Variants in IPO11 observed in about 807,000 individuals in gnomAD.
The protein encoded by IPO11 is importin-11.
In IPO11, 66 loss-of-function variants were observed where a neutral mutation model predicts 143.2. The ratio of observed to expected loss-of-function variants is 0.46; its 90% CI spans 0.38 to 0.57. The LOEUF (loss-of-function observed/expected upper bound fraction) is 0.57, where lower values mean the gene tolerates loss of function less well. Among genes scored for constraint, IPO11 ranks in the 20% least tolerant of loss-of-function variants. IPO11 has a pLI of 0.00. For synonymous variants in IPO11, 385 were observed against 377.8 expected, an observed-to-expected ratio of 1.02 and a Z score of -0.22; for missense variants, 1,026 against 1,141.0, an observed-to-expected ratio of 0.90 and a Z score of 1.45.
At chr5:62,488,212 ATAAT>A (rs1332297485) in intron 13 of IPO11, among the ~76,000 whole-genome samples, 1 of 152,244 alleles carries the variant, frequency 6.6e-6, no homozygotes, top group African/African-American at 2.4e-5. Flanking sequence ...GGGAATGGAA[ATAAT>A]TGATTATGGA....
chr5:62,469,430 A>G (rs536963734), intron 6 of IPO11, among the ~76,000 whole-genome samples: 1 of 152,320 alleles, frequency 6.6e-6, no homozygotes, highest in Non-Finnish European at 1.5e-5. Flanking sequence ...CCTAAATTTA[A>G]TCCATTGCCT....
chr5:62,435,190 G>GTA lies in IPO11; in HGVS notation c.-6-2076_-6-2075dup, dbSNP rs1214327068. ...TATATATGTATATATGTATATATAT[G>GTA]TATATATATGTATATATATGTGTAT... On this transcript the variant is annotated intron_variant, in intron 1 of 29. Coordinates refer to ENST00000325324, the MANE Select transcript of IPO11 (RefSeq NM_016338.5). Among the ~76,000 whole-genome samples, 212 of 101,752 alleles carry GTA rather than the reference G, an allele frequency of 2.1e-3. 23 individuals are homozygous for GTA. The highest frequency in any genetic ancestry group is 6.8e-3 in the African/African-American group (186 of 27,200). The allele number at this position is 101,752 out of a possible 152,430, so 66.8% of individuals were successfully genotyped here.
chr5:62,433,296 C>T lies in IPO11; in HGVS notation c.-6-3978C>T, dbSNP rs891964147. On this transcript the variant is annotated intron_variant, in intron 1 of 29. Transcript: ENST00000325324. ...AGAACATTGTTATGTATGGCTGAAA[C>T]TGAAGTCACTGCAGGTCTGATAAAT... 2.6e-5 allele frequency among the ~76,000 whole-genome samples: 4 copies of T among 152,166 alleles called. No homozygotes were observed. In the East Asian group the frequency reaches 5.8e-4, roughly 22 times the overall value.
chr5:62,620,336 G>A (rs1449920002), intron 29 of IPO11, among the ~76,000 whole-genome samples: 8 of 152,038 alleles, frequency 5.3e-5, no homozygotes, highest in African/African-American at 1.7e-4. Flanking sequence ...TGGCTAACAC[G>A]GTGAAACCCC....
intron 1 of IPO11, among the ~76,000 whole-genome samples, chr5:62,414,871 G>A (rs1484428836): frequency 1.3e-5 from 2 of 152,088 alleles, no homozygotes; most frequent in African/African-American, 4.8e-5. Context: ...TTTAATCTGA[G>A]GTGATCTTAT....
At chr5:62,517,709 A>G (rs562066129) in intron 20 of IPO11, among the ~76,000 whole-genome samples, 38 of 152,194 alleles carry the variant, frequency 2.5e-4, no homozygotes, top group African/African-American at 8.4e-4. Flanking sequence ...GGCCTCCAAG[A>G]TGTACTTTTA....
At chr5:62,546,859 A>C (rs1277756006) in intron 24 of IPO11, among the ~76,000 whole-genome samples, 1 of 152,158 alleles carries the variant, frequency 6.6e-6, no homozygotes, top group Non-Finnish European at 1.5e-5. Context: ...TCTTCTGTTT[A>C]AAAAGTAGAA....
At chr5:62,476,524 C>T (rs1183897012) in intron 8 of IPO11, among the ~76,000 whole-genome samples, 159 bp from the exon 9 acceptor site, 1 of 152,106 alleles carries the variant, frequency 6.6e-6, no homozygotes, top group Non-Finnish European at 1.5e-5. Context: ...GCTACTGTGT[C>T]TGTTACTCAG....
At chr5:62,563,614 C>T (rs374172093) in intron 27 of IPO11, among the ~76,000 whole-genome samples, 1 of 151,958 alleles carries the variant, frequency 6.6e-6, no homozygotes, top group Admixed American at 6.6e-5. Flanking sequence ...ATATATATAA[C>T]AAGATATTTT....
chr5:62,503,761 GTATT>G (rs2112260889), intron 16 of IPO11, among the ~76,000 whole-genome samples: 1 of 152,286 alleles, frequency 6.6e-6, no homozygotes, highest in East Asian at 1.9e-4. Flanking sequence ...TGGCAGTAGA[GTATT>G]TAACATTTGG....
intron 29 of IPO11, among the ~76,000 whole-genome samples, chr5:62,616,617 G>A (rs1448752135): frequency 2.0e-5 from 3 of 150,906 alleles, no homozygotes; most frequent in Non-Finnish European, 2.9e-5. Context: ...CTACTTGGGA[G>A]GCTGAGGCAT....
Position 62,537,893 on chromosome 5 carries a change from A to G in IPO11, c.2250+604A>G, listed in dbSNP as rs578060411. Among the ~76,000 whole-genome samples the G allele has an allele frequency of 5.9e-5, 9 of 152,232 alleles. No individual in the cohort carries two copies. The South Asian group carries it at 1.9e-3, about 32-fold the overall frequency. ...GAAATATATTAAAATATCTTTATGT[A>G]TGGACTTTGAGAGAAGGTGTAGCTG... On this transcript the variant is annotated intron_variant, in intron 24 of 29. Coordinates refer to ENST00000325324, the MANE Select transcript of IPO11 (RefSeq NM_016338.5).
At chr5:62,544,081 G>A (rs1743062009) in intron 24 of IPO11, among the ~76,000 whole-genome samples, 1 of 152,100 alleles carries the variant, frequency 6.6e-6, no homozygotes, top group Non-Finnish European at 1.5e-5. Context: ...GAAAAAGAGG[G>A]AATCCTCCCT....
chr5:62,526,282 GGATCTTATTTTATTCGT>G (rs1742366414), intron 21 of IPO11, 25 bp downstream of exon 21: 1 of 1,474,054 alleles, frequency 6.8e-7, no homozygotes, highest in South Asian at 1.1e-5. Flanking sequence ...TTAATACCAT[GGATCTTATTTTATTCGT>G]GACCTTTCCT....
At chr5:62,449,780 A>G (rs1374295126) in intron 3 of IPO11, 147 bp from the exon 4 acceptor site, 3 of 502,282 alleles carry the variant, frequency 6.0e-6, no homozygotes, top group Admixed American at 4.0e-5. Context: ...CCAATATACA[A>G]GTAATGGAAA....
At chr5:62,463,487 GATCCT>G (rs1230586827) in intron 5 of IPO11, among the ~76,000 whole-genome samples, 3 of 151,858 alleles carry the variant, frequency 2.0e-5, no homozygotes, top group Non-Finnish European at 2.9e-5. Context: ...AACACAGTGA[GATCCT>G]ATCTCTACAA....
intron 1 of IPO11, among the ~76,000 whole-genome samples, chr5:62,435,016 C>T (rs1441378592): frequency 1.4e-5 from 2 of 144,990 alleles, no homozygotes; most frequent in Non-Finnish European, 3.0e-5. Context: ...CAGAGTGAGA[C>T]GCTGTCTCAA....
intron 28 of IPO11, among the ~76,000 whole-genome samples, chr5:62,599,180 G>A (rs1745407370): frequency 6.6e-6 from 1 of 152,188 alleles, no homozygotes; most frequent in Non-Finnish European, 1.5e-5. Context: ...AAGTGGTTGA[G>A]CTGAAAACTC....
intron 5 of IPO11, among the ~76,000 whole-genome samples, chr5:62,452,969 A>G (rs1216562242): frequency 6.6e-6 from 1 of 150,422 alleles, no homozygotes; most frequent in Admixed American, 6.6e-5. Flanking sequence ...CCCATGCTTT[A>G]AAGTGTTTTT....
Sources: gnomAD v4.1 joint callset for allele counts (sites outside exome capture counted in the v4.1 genomes callset) on GRCh38, gnomAD v4.1.1 for gene constraint, MANE v1.5 for transcripts, NCBI Gene and HGNC (gene_info 2026-07-23, HGNC 2026-07-21) for gene names.